The following AXDND1 variants were observed in gnomAD, a reference collection of about 807,000 sequenced individuals.
The protein encoded by AXDND1 is axonemal dynein light chain domain containing 1.
A neutral mutation model predicts 137.5 loss-of-function variants in AXDND1; 110 were observed. That is an observed-to-expected ratio of 0.80 (90% CI 0.69 to 0.94). The LOEUF is 0.94. Ranked by LOEUF, AXDND1 falls within the 40% of genes least tolerant of loss-of-function variation. The probability of loss-of-function intolerance (pLI) is 0.00; values close to 1 mark genes in which losing one functional copy is unlikely to be tolerated. For synonymous variants in AXDND1, 414 were observed against 399.7 expected, an observed-to-expected ratio of 1.04 and a Z score of -0.43; for missense variants, 1,191 against 1,169.8, an observed-to-expected ratio of 1.02 and a Z score of -0.26.
chr1:179,511,011 C>G (rs910061581), intron 21 of AXDND1, among the ~76,000 whole-genome samples: 4 of 150,310 alleles, frequency 2.7e-5, no homozygotes, highest in African/African-American at 9.8e-5. Context: ...GTTTTCCATT[C>G]TTGAGCTACT....
intron 21 of AXDND1, among the ~76,000 whole-genome samples, chr1:179,518,252 C>T (rs1292646892): frequency 6.6e-6 from 1 of 152,042 alleles, no homozygotes; most frequent in Non-Finnish European, 1.5e-5. Context: ...ATAATATTTC[C>T]AACATTTAAA....
chr1:179,510,847 T>TCGAG (rs1399945304), intron 21 of AXDND1, among the ~76,000 whole-genome samples: 1 of 152,126 alleles, frequency 6.6e-6, no homozygotes, highest in Non-Finnish European at 1.5e-5. Flanking sequence ...CACCCATCAC[T>TCGAG]CGAGTAGTAT....
chr1:179,443,235 G>A (rs1659260624), intron 15 of AXDND1, among the ~76,000 whole-genome samples: 1 of 152,208 alleles, frequency 6.6e-6, no homozygotes, highest in Non-Finnish European at 1.5e-5. Flanking sequence ...GGAGCGCTGA[G>A]TTGGTCCCGT....
chr1:179,479,779 A>AAAAG (rs67204515), intron 17 of AXDND1, among the ~76,000 whole-genome samples: 24 of 151,964 alleles, frequency 1.6e-4, no homozygotes, highest in East Asian at 3.9e-4. Flanking sequence ...TCCATCTCAA[A>AAAAG]AAAGAAAGAA....
At chr1:179,517,533 C>T (rs1462596029) in intron 21 of AXDND1, among the ~76,000 whole-genome samples, 2 of 152,208 alleles carry the variant, frequency 1.3e-5, no homozygotes, top group Non-Finnish European at 2.9e-5. Flanking sequence ...GGGGCGTTTT[C>T]CCCTGTGCCT....
chr1:179,370,000 ATGT>A lies in AXDND1; in HGVS notation c.297_299del (p.Val100del). The A allele has an allele frequency of 6.2e-7, 1 of 1,614,014 alleles. No homozygotes were observed. ...GGCACTCTTCCACGCCTTGTAGACC[ATGT>A]CTGGCATCACCCTGTTCGAAGGAAT... On this transcript the variant is annotated inframe_deletion, in exon 4 of 26. Coordinates refer to ENST00000367618, the MANE Select transcript of AXDND1 (RefSeq NM_144696.6).
At chr1:179,492,981 T>C (rs779089542) in intron 20 of AXDND1, 30 bp downstream of exon 20, 99 of 1,491,780 alleles carry the variant, frequency 6.6e-5, no homozygotes, top group Admixed American at 1.1e-4. Flanking sequence ...CTTAGTTTTG[T>C]TTTTGTTTTG....
chr1:179,392,937 T>C (rs10913746), intron 9 of AXDND1, among the ~76,000 whole-genome samples: 13,338 of 152,254 alleles, frequency 0.088, 883 homozygotes, highest in East Asian at 0.35. Context: ...TTTAACCTGC[T>C]GATTATTTCT....
chr1:179,493,387 A>G (rs1667130162), intron 20 of AXDND1, among the ~76,000 whole-genome samples: 1 of 152,206 alleles, frequency 6.6e-6, no homozygotes. Flanking sequence ...GATAGACACA[A>G]TTTATTTAGT....
intron 24 of AXDND1, among the ~76,000 whole-genome samples, chr1:179,534,079 AG>A (rs1671285023): frequency 6.6e-6 from 1 of 152,224 alleles, no homozygotes; most frequent in African/African-American, 2.4e-5. Flanking sequence ...TACAGTGGAA[AG>A]ATAGAGGAAG....
intron 12 of AXDND1, among the ~76,000 whole-genome samples, chr1:179,424,889 A>G (rs1558159354): frequency 6.6e-6 from 1 of 151,978 alleles, no homozygotes; most frequent in Non-Finnish European, 1.5e-5. Flanking sequence ...CAGTAATTTT[A>G]TTTTTTTATT....
At chr1:179,386,859 G>A (rs1443033164) in intron 9 of AXDND1, among the ~76,000 whole-genome samples, 2 of 151,840 alleles carry the variant, frequency 1.3e-5, no homozygotes, top group African/African-American at 4.8e-5. Flanking sequence ...TCAGTAGCTG[G>A]GGCTACAAGT....
chr1:179,424,910 CTT>C (rs1246225016), intron 12 of AXDND1, among the ~76,000 whole-genome samples: 2 of 152,114 alleles, frequency 1.3e-5, no homozygotes, highest in Non-Finnish European at 2.9e-5. Flanking sequence ...ATTTCAATCT[CTT>C]TGTTACATTT....
intron 4 of AXDND1, among the ~76,000 whole-genome samples, chr1:179,371,580 C>T (rs1186125337): frequency 6.6e-6 from 1 of 152,072 alleles, no homozygotes; most frequent in Non-Finnish European, 1.5e-5. Flanking sequence ...CATACCTCAC[C>T]TGGGAAAAGG....
intron 16 of AXDND1, chr1:179,449,795 A>G (rs181068557): frequency 1.1e-4 from 16 of 151,866 alleles, no homozygotes; most frequent in Admixed American, 7.9e-4. Flanking sequence ...TCTCAGTTCT[A>G]TTTTCAGATT....
chr1:179,529,014 C>T (rs55908143), intron 23 of AXDND1, among the ~76,000 whole-genome samples: 48,376 of 152,120 alleles, frequency 0.32, 8,347 homozygotes, highest in Middle Eastern at 0.43. Context: ...ATAATAAGCA[C>T]ATACCCATAA....
At chr1:179,494,899 G>A (rs1558266972) in intron 20 of AXDND1, among the ~76,000 whole-genome samples, 1 of 152,094 alleles carries the variant, frequency 6.6e-6, no homozygotes, top group Non-Finnish European at 1.5e-5. Flanking sequence ...TGCTGGGGTT[G>A]GATTCAAGTT....
chr1:179,368,987 A>G lies in AXDND1; in HGVS notation c.270+15A>G, dbSNP rs1194374670. ...AAACCCCAAAGGTTTGTATGTACAT[A>G]TGTAGAGTAATGGGGAACATTATTT... is the stretch of plus-strand genomic sequence containing the variant. On this transcript the variant is annotated intron_variant, in intron 3 of 25. Transcript: ENST00000367618. The G allele has an allele frequency of 6.4e-7, 1 of 1,574,786 alleles. No homozygotes were observed. Among genetic ancestry groups the G allele is most frequent in the African/African-American group, 1.4e-5 (1 of 73,374 alleles).
intron 11 of AXDND1, among the ~76,000 whole-genome samples, chr1:179,409,821 CA>C (rs1273634875): frequency 2.6e-5 from 4 of 151,514 alleles, no homozygotes; most frequent in African/African-American, 9.7e-5. Flanking sequence ...TTCAAAACAA[CA>C]AAAAACGAAA....
Sources: gnomAD v4.1 joint callset for allele counts (sites outside exome capture counted in the v4.1 genomes callset) on GRCh38, gnomAD v4.1.1 for gene constraint, MANE v1.5 for transcripts, NCBI Gene and HGNC (gene_info 2026-07-23, HGNC 2026-07-21) for gene names.